Variants in ACVR2B observed in about 807,000 individuals in gnomAD.
ACVR2B encodes activin receptor type-2B.
In ACVR2B, 18 loss-of-function variants were observed where a neutral mutation model predicts 65.1. The ratio of observed to expected loss-of-function variants is 0.28; its 90% CI spans 0.19 to 0.41. The LOEUF (loss-of-function observed/expected upper bound fraction) is 0.41, where lower values mean the gene tolerates loss of function less well. Ranked by LOEUF, ACVR2B falls within the 10% of genes least tolerant of loss-of-function variation. The pLI is 1.00. For missense variants in ACVR2B, 482 were observed against 682.7 expected, an observed-to-expected ratio of 0.71 and a Z score of 3.28; for synonymous variants, 298 against 277.7, an observed-to-expected ratio of 1.07 and a Z score of -0.73.
rs1710178329 is a variant in ACVR2B at position 38,489,576 on chromosome 3, CTGCAATGTGTTTTA to C, written c.*6245_*6258del. 6.6e-6 allele frequency: 1 copy of C among 152,586 alleles called. No individual in the cohort carries two copies. The highest frequency in any genetic ancestry group is 2.1e-4 in the South Asian group (1 of 4,832). The allele number at this position is 152,586 out of a possible 1,614,324, so 9.5% of individuals were successfully genotyped here. A position where few individuals can be genotyped will look rare whatever the true frequency, so the allele number is the denominator to read the frequency against. ...CTTGTGGATTGGGAGGAGAGAGGGC[CTGCAATGTGTTTTA>C]CATTGGTGCTTCCTCCTGAGATTTC... is the stretch of plus-strand genomic sequence containing the variant. On this transcript the variant is annotated 3_prime_UTR_variant, in exon 11 of 11. Coordinates refer to ENST00000352511, the MANE Select transcript of ACVR2B (RefSeq NM_001106.4).
chr3:38,479,937 G>T (rs927849075), intron 7 of ACVR2B, 111 bp downstream of exon 7: 5 of 1,374,366 alleles, frequency 3.6e-6, no homozygotes, highest in Non-Finnish European at 5.0e-6. Flanking sequence ...TACTTACCCT[G>T]CTTGCTGTGT....
Position 38,483,361 on chromosome 3 carries a change from CAG to C in ACVR2B, c.*30_*31del. Reference sequence around the variant, plus strand: ...CAGGACATGAGTGTCTGTCCAGACTCAGTGGATCTGAAGAAAAAAGGAAAAAA... The same window carrying C: ...CAGGACATGAGTGTCTGTCCAGACTCTGGATCTGAAGAAAAAAGGAAAAAA... On this transcript the variant is annotated 3_prime_UTR_variant, in exon 11 of 11. Coordinates refer to ENST00000352511, the MANE Select transcript of ACVR2B (RefSeq NM_001106.4). The surrounding 1 kb of genome is among the most constrained non-coding windows in gnomAD (Gnocchi z 4.8). 1.9e-6 allele frequency: 3 copies of C among 1,612,472 alleles called. No individual in the cohort carries two copies. Among genetic ancestry groups the C allele is most frequent in the Non-Finnish European group, 2.5e-6 (3 of 1,178,744 alleles).
intron 1 of ACVR2B, among the ~76,000 whole-genome samples, chr3:38,455,587 CT>C (rs1235934388): frequency 2.0e-5 from 3 of 152,130 alleles, no homozygotes; most frequent in Non-Finnish European, 4.4e-5. Context: ...CGTCGTGAGG[CT>C]TAGTTTACAC....
At position 38,485,666 on chromosome 3, in the gene ACVR2B, C is replaced by CTTTTT. The variant is rs59343196; in HGVS notation, c.*2357_*2361dup. The CTTTTT allele has an allele frequency of 2.5e-5, 1 of 39,778 alleles. No homozygotes were observed. The allele number at this position is 39,778 out of a possible 1,614,324, so 2.5% of individuals were successfully genotyped here. A position where few individuals can be genotyped will look rare whatever the true frequency, so the allele number is the denominator to read the frequency against. On this transcript the variant is annotated 3_prime_UTR_variant, in exon 11 of 11. Transcript: ENST00000352511. Reference sequence around the variant, plus strand: ...ACAGGGTTTCGGTAAGCTATGTTGTCTTTTTTTTTTTTTTTTTTTTTTTTT... The same window carrying CTTTTT: ...ACAGGGTTTCGGTAAGCTATGTTGTCTTTTTTTTTTTTTTTTTTTTTTTTTTTTTT...
chr3:38,483,426 AAC>A lies in ACVR2B; in HGVS notation c.*98_*99del, dbSNP rs1232862938. 5 of 1,181,724 alleles carry A rather than the reference AAC, an allele frequency of 4.2e-6. No individual in the cohort carries two copies. In the Admixed American group the frequency reaches 5.5e-5, roughly 13 times the overall value. The allele number at this position is 1,181,724 out of a possible 1,614,324, so 73.2% of individuals were successfully genotyped here. A position where few individuals can be genotyped will look rare whatever the true frequency, so the allele number is the denominator to read the frequency against. On this transcript the variant is annotated 3_prime_UTR_variant, in exon 11 of 11. Coordinates refer to ENST00000352511, the MANE Select transcript of ACVR2B (RefSeq NM_001106.4). This position sits in a 1 kb window ranked among gnomAD's most constrained non-coding sequence, Gnocchi z 4.8. ...TTTTGGAAATCCCATAAAACCAACA[AAC>A]ACATAAAATGCAGCTGCTATTTTAC...
Position 38,483,192 on chromosome 3 carries a change from G to T in ACVR2B, c.1399G>T (p.Ala467Ser), listed in dbSNP as rs779253835. The T allele has an allele frequency of 3.1e-6, 5 of 1,614,170 alleles. No individual in the cohort carries two copies. The highest frequency in any genetic ancestry group is 4.2e-6 in the Non-Finnish European group (5 of 1,180,038). ...IEECWDHDAE[A>S]RLSAGCVEER... is the part of the protein sequence containing the mutation. ...GGAGTGCTGGGACCATGATGCAGAG[G>T]CTCGCTTGTCCGCGGGCTGTGTGGA... The change falls in exon 11 of 11, where the codon GCT becomes TCT. Residue 467 changes from alanine to serine, a missense_variant. Coordinates refer to ENST00000352511, the MANE Select transcript of ACVR2B (RefSeq NM_001106.4). The surrounding 1 kb of genome is among the most constrained non-coding windows in gnomAD (Gnocchi z 4.8).
intron 1 of ACVR2B, among the ~76,000 whole-genome samples, chr3:38,464,176 A>C (rs1709693065): frequency 6.6e-6 from 1 of 152,366 alleles, no homozygotes; most frequent in South Asian, 2.1e-4. Flanking sequence ...GAAACAATAA[A>C]GTTTGGTTGA....
At chr3:38,476,591 T>TG in intron 1 of ACVR2B, 1 of 155,668 alleles carries the variant, frequency 6.4e-6, no homozygotes, top group Non-Finnish European at 1.4e-5. Context: ...CAGGGAGTTG[T>TG]GGAGGACCCA....
intron 6 of ACVR2B, 78 bp from the exon 7 acceptor site, chr3:38,479,600 G>A: frequency 2.6e-6 from 4 of 1,555,594 alleles, no homozygotes; most frequent in Non-Finnish European, 3.5e-6. Flanking sequence ...GGCCCACTGA[G>A]ACTTCTCTGC....
intron 1 of ACVR2B, chr3:38,454,697 T>G: frequency 4.1e-6 from 1 of 243,080 alleles, no homozygotes; most frequent in Non-Finnish European, 7.9e-6. Flanking sequence ...GAGGAAAACC[T>G]GAGCGTGGGG....
Position 38,483,057 on chromosome 3 carries a change from C to A in ACVR2B, c.1345-81C>A. 1 of 1,526,652 alleles carries A rather than the reference C, an allele frequency of 6.6e-7. No homozygotes were observed. The highest frequency in any genetic ancestry group is 9.1e-7 in the Non-Finnish European group (1 of 1,102,188). The allele number at this position is 1,526,652 out of a possible 1,614,324, so 94.6% of individuals were successfully genotyped here. ...GGCTCTGCCTGATCCTTGGGAATAT[C>A]AAGTTTACTGTCCCCCAAAGCTTTT... is the stretch of plus-strand genomic sequence containing the variant. On this transcript the variant is annotated intron_variant, in intron 10 of 10. Transcript: ENST00000352511. This position sits in a 1 kb window ranked among gnomAD's most constrained non-coding sequence, Gnocchi z 4.8.
chr3:38,464,250 G>GCC (rs1316774973), intron 1 of ACVR2B, among the ~76,000 whole-genome samples: 1 of 152,190 alleles, frequency 6.6e-6, no homozygotes, highest in Non-Finnish European at 1.5e-5. Context: ...TCAGGGCTTT[G>GCC]CCCTGGTGTC....
In ACVR2B at chr3:38,479,605, C is replaced by T. The variant is rs76343599; in HGVS notation, c.811-73C>T. 0.048 allele frequency: 75,742 copies of T among 1,572,790 alleles called. 2,128 individuals are homozygous for T. Among genetic ancestry groups the T allele is most frequent in the Non-Finnish European group, 0.056 (64,088 of 1,143,316 alleles). ...CCTAGCCATTGGCCCACTGAGACTT[C>T]TCTGCCAGGGCTGGGCTGGGTCCTG... On this transcript the variant is annotated intron_variant, in intron 6 of 10. Coordinates refer to ENST00000352511, the MANE Select transcript of ACVR2B (RefSeq NM_001106.4).
chr3:38,474,047 C>G (rs1435023687), intron 1 of ACVR2B: 1 of 152,256 alleles, frequency 6.6e-6, no homozygotes, highest in Non-Finnish European at 1.5e-5. Context: ...ATGCCTGGCT[C>G]ATTTTTGTAT....
In ACVR2B at chr3:38,483,206, G is replaced by A. The variant is rs373661579; in HGVS notation, c.1413G>A (p.Ala471=). Residue 471 remains alanine, a synonymous_variant, in exon 11 of 11, where the codon GCG becomes GCA. Transcript: ENST00000352511. This position sits in a 1 kb window ranked among gnomAD's most constrained non-coding sequence, Gnocchi z 4.8. ...ATGATGCAGAGGCTCGCTTGTCCGC[G>A]GGCTGTGTGGAGGAGCGGGTGTCCC... ...WDHDAEARLS[A]GCVEERVSLI... 1.9e-5 allele frequency: 31 copies of A among 1,614,098 alleles called. No individual in the cohort carries two copies. Among genetic ancestry groups the A allele is most frequent in the Middle Eastern group, 1.6e-4 (1 of 6,062 alleles).
chr3:38,473,016 C>G (rs1709845074), intron 1 of ACVR2B, among the ~76,000 whole-genome samples: 1 of 152,032 alleles, frequency 6.6e-6, no homozygotes, highest in Non-Finnish European at 1.5e-5. Flanking sequence ...TCTGCATGTA[C>G]TGTGTGTGTG....
At chr3:38,455,405 A>C (rs1309977129) in intron 1 of ACVR2B, among the ~76,000 whole-genome samples, 1 of 151,906 alleles carries the variant, frequency 6.6e-6, no homozygotes, top group Non-Finnish European at 1.5e-5. Flanking sequence ...CCCATTACAC[A>C]TGCAGCGCGG....
In ACVR2B at chr3:38,482,419, C is replaced by G. The variant is rs775333679; in HGVS notation, c.1214-11C>G. 5 of 1,611,992 alleles carry G rather than the reference C, an allele frequency of 3.1e-6. No homozygotes were observed. In the East Asian group the frequency reaches 1.1e-4, roughly 36 times the overall value. On this transcript the variant is annotated splice_polypyrimidine_tract_variant and intron_variant, in intron 9 of 10. Coordinates refer to ENST00000352511, the MANE Select transcript of ACVR2B (RefSeq NM_001106.4). ...TTAGAGTGATCCTGCCAGGCTCTCTCTTTCTCCTAGGACCCGTGGATGAGT... is the reference window on the plus strand; with the variant it reads ...TTAGAGTGATCCTGCCAGGCTCTCTGTTTCTCCTAGGACCCGTGGATGAGT...
chr3:38,481,549 G>GTCACCCTCATCCCT lies in ACVR2B; in HGVS notation c.1074+84_1074+85insTCACCCTCATCCCT. ...TTTTGTGCTCAGCTGGGGAGGTGCAGGGATGAGGGTGACTGCATGCGTTCA... is the reference window on the plus strand; with the variant it reads ...TTTTGTGCTCAGCTGGGGAGGTGCAGTCACCCTCATCCCTGGATGAGGGTGACTGCATGCGTTCA... On this transcript the variant is annotated intron_variant, in intron 8 of 10. Coordinates refer to ENST00000352511, the MANE Select transcript of ACVR2B (RefSeq NM_001106.4). This position sits in a 1 kb window ranked among gnomAD's most constrained non-coding sequence, Gnocchi z 4.7. 4 of 1,098,058 alleles carry GTCACCCTCATCCCT rather than the reference G, an allele frequency of 3.6e-6. No individual in the cohort carries two copies. Among genetic ancestry groups the GTCACCCTCATCCCT allele is most frequent in the Non-Finnish European group, 5.6e-6 (4 of 715,266 alleles). 68.0% of individuals were successfully genotyped at this position (1,098,058 alleles called of 1,614,324 possible).
Sources: allele counts gnomAD v4.1 joint callset (sites outside exome capture counted in the v4.1 genomes callset), GRCh38; gene constraint gnomAD v4.1.1; non-coding constraint Gnocchi (gnomAD v3.1); transcripts MANE v1.5; gene names NCBI Gene and HGNC (gene_info 2026-07-23, HGNC 2026-07-21).